CMIP: variants seen among roughly 807,000 people sequenced by gnomAD.
CMIP encodes C-Maf-inducing protein.
CMIP carries 13 observed loss-of-function variants against 97.3 expected under a neutral mutation model. The ratio of observed to expected loss-of-function variants is 0.13; its 90% confidence interval spans 0.09 to 0.21. The LOEUF (loss-of-function observed/expected upper bound fraction) is 0.21. Ranked by LOEUF, CMIP falls within the 10% of genes least tolerant of loss-of-function variation. CMIP has a pLI of 1.00. For synonymous variants in CMIP, 538 were observed against 436.3 expected (o/e 1.23, Z -2.91); for missense variants, 847 against 1,024.9 (o/e 0.83, Z 2.37).
chr16:81,575,762 G>T (rs1264685975), intron 1 of CMIP, among the ~76,000 whole-genome samples: 1 of 152,200 alleles, frequency 6.6e-6, no homozygotes, highest in East Asian at 1.9e-4. Context: ...TTCAGGTCCT[G>T]CCTCTGGTCC....
At position 81,537,424 on chromosome 16, in the gene CMIP, A is replaced by G. The variant is rs546032103; in HGVS notation, c.301-70143A>G. Among the ~76,000 whole-genome samples the G allele has an allele frequency of 2.6e-5, 4 of 151,934 alleles. No individual in the cohort carries two copies. In the East Asian group the frequency reaches 7.7e-4, roughly 29 times the overall value. Reference sequence around the variant, plus strand: ...GTGGCACGCACCTGTAGTTGCAGCCACTTGGGAGGCTGAGACAGGAGAATT... The same window carrying G: ...GTGGCACGCACCTGTAGTTGCAGCCGCTTGGGAGGCTGAGACAGGAGAATT... On this transcript the variant is annotated intron_variant, in intron 1 of 20. Coordinates refer to ENST00000537098, the MANE Select transcript of CMIP (RefSeq NM_198390.3).
intron 1 of CMIP, among the ~76,000 whole-genome samples, chr16:81,532,615 G>A (rs909513814): frequency 6.6e-6 from 1 of 152,202 alleles, no homozygotes; most frequent in Non-Finnish European, 1.5e-5. Flanking sequence ...CAGGTCCCGA[G>A]GCAGCGGGAG....
At position 81,453,756 on chromosome 16, in the gene CMIP, C is replaced by A. The variant is rs958965717; in HGVS notation, c.300+8215C>A. On this transcript the variant is annotated intron_variant, in intron 1 of 20. Coordinates refer to ENST00000537098, the MANE Select transcript of CMIP (RefSeq NM_198390.3). The surrounding 1 kb of genome is among the most constrained non-coding windows in gnomAD (Gnocchi z 4.0). ...AGGGGTCTCCCGAGGGTTCTGCCCC[C>A]TCTTTTTCTTGTGAAATGGGTCTGC... Among the ~76,000 whole-genome samples, 2 of 152,236 alleles carry A rather than the reference C, an allele frequency of 1.3e-5. No homozygotes were observed. The highest frequency in any genetic ancestry group is 2.4e-5 in the African/African-American group (1 of 41,468).
chr16:81,455,724 CTGGGCTCAGCCTGGTGAGCTCCTGG>C (rs1478489017), intron 1 of CMIP, among the ~76,000 whole-genome samples: 1 of 152,214 alleles, frequency 6.6e-6, no homozygotes, highest in Non-Finnish European at 1.5e-5. Flanking sequence ...CGTCAGGCTG[CTGGGCTCAGCCTGGTGAGCTCCTGG>C]TGGGCTTTCC....
At chr16:81,446,797 T>C (rs935103212) in intron 1 of CMIP, among the ~76,000 whole-genome samples, 4 of 152,016 alleles carry the variant, frequency 2.6e-5, no homozygotes, top group Non-Finnish European at 5.9e-5. Context: ...CCCCAAGGAA[T>C]GGGGAGGGGG....
At chr16:81,660,501 C>T (rs570274748) in intron 5 of CMIP, among the ~76,000 whole-genome samples, 1 of 152,280 alleles carries the variant, frequency 6.6e-6, no homozygotes, top group East Asian at 1.9e-4. Context: ...TCTCCAACTC[C>T]TGACCTCAAG....
intron 2 of CMIP, among the ~76,000 whole-genome samples, chr16:81,618,243 G>T (rs577490319): frequency 6.6e-6 from 1 of 152,290 alleles, no homozygotes; most frequent in African/African-American, 2.4e-5. Context: ...CCTTCTGGAG[G>T]CTCTCGGGGA....
chr16:81,688,421 G>C (rs1158340390), intron 10 of CMIP, among the ~76,000 whole-genome samples: 1 of 152,214 alleles, frequency 6.6e-6, no homozygotes, highest in Non-Finnish European at 1.5e-5. Context: ...CCAAGGCTCT[G>C]CTGTCACAGA....
chr16:81,450,757 A>G (rs1906156756), intron 1 of CMIP, among the ~76,000 whole-genome samples: 1 of 152,226 alleles, frequency 6.6e-6, no homozygotes, highest in Non-Finnish European at 1.5e-5. Flanking sequence ...CTAGTTTCTT[A>G]AAATAAATTA....
intron 3 of CMIP, among the ~76,000 whole-genome samples, chr16:81,637,009 C>A (rs1314477403): frequency 6.6e-6 from 1 of 152,194 alleles, no homozygotes; most frequent in Non-Finnish European, 1.5e-5. Flanking sequence ...TTTGCTGTTG[C>A]ACTGTGGGGG....
At chr16:81,489,056 T>G (rs1005495512) in intron 1 of CMIP, among the ~76,000 whole-genome samples, 5 of 152,212 alleles carry the variant, frequency 3.3e-5, no homozygotes, top group African/African-American at 1.2e-4. Flanking sequence ...TTCATTCATT[T>G]TTCAGTTTGA....
rs140110022 is a variant in CMIP, at chr16:81,627,153, ATG to A, written c.477+6240_477+6241del. Among the ~76,000 whole-genome samples the A allele has an allele frequency of 1.5e-5, 2 of 131,874 alleles. No homozygotes were observed. The highest frequency in any genetic ancestry group is 2.9e-5 in the African/African-American group (1 of 34,452). 86.5% of individuals were successfully genotyped at this position (131,874 alleles called of 152,430 possible). On this transcript the variant is annotated intron_variant, in intron 3 of 20. Coordinates refer to ENST00000537098, the MANE Select transcript of CMIP (RefSeq NM_198390.3). This position sits in a 1 kb window ranked among gnomAD's most constrained non-coding sequence, Gnocchi z 4.6. ...GGCATATGGGCCAACTATTTTATGA[ATG>A]TGTGTGTGTGTGGCCTGTAGGGTGA...
intron 1 of CMIP, among the ~76,000 whole-genome samples, chr16:81,457,223 C>T (rs1477473098): frequency 6.6e-6 from 1 of 152,068 alleles, no homozygotes; most frequent in Non-Finnish European, 1.5e-5. Flanking sequence ...CCAGTTGGAG[C>T]CAGGGCTTGC....
chr16:81,672,741 A>G (rs1429749793), intron 9 of CMIP, among the ~76,000 whole-genome samples: 2 of 152,044 alleles, frequency 1.3e-5, no homozygotes, highest in African/African-American at 4.8e-5. Flanking sequence ...ACTCATGGCT[A>G]ATATTTAAAA....
chr16:81,495,382 AC>A (rs1597474905), intron 1 of CMIP: 4 of 1,537,692 alleles, frequency 2.6e-6, no homozygotes, highest in Non-Finnish European at 2.6e-6. Context: ...GCATGGCATA[AC>A]CGTTTGAGAA....
At chr16:81,664,627 A>C in intron 7 of CMIP, 1 of 579,858 alleles carries the variant, frequency 1.7e-6, no homozygotes, top group Non-Finnish European at 3.1e-6. Flanking sequence ...AATAGGCCCA[A>C]ATAATGTCTG....
chr16:81,575,545 A>G (rs982573690), intron 1 of CMIP, among the ~76,000 whole-genome samples: 11 of 152,196 alleles, frequency 7.2e-5, no homozygotes, highest in Non-Finnish European at 8.8e-5. Flanking sequence ...TTCATCCATT[A>G]GTGCAGAGTA....
chr16:81,594,777 CTAATTTTTTTTTTTTT>C (rs2091524556), intron 1 of CMIP, among the ~76,000 whole-genome samples: 1 of 143,112 alleles, frequency 7.0e-6, no homozygotes, highest in Admixed American at 7.0e-5. Context: ...CCACGCCCAG[CTAATTTTTTTTTTTTT>C]TTTTTTTTTT....
chr16:81,563,081 A>G (rs1007289212), intron 1 of CMIP, among the ~76,000 whole-genome samples: 1 of 152,086 alleles, frequency 6.6e-6, no homozygotes, highest in Non-Finnish European at 1.5e-5. Flanking sequence ...CAGAGGAAAA[A>G]CCATCTTGTT....
Sources: gnomAD v4.1 joint callset for allele counts (sites outside exome capture counted in the v4.1 genomes callset) on GRCh38, gnomAD v4.1.1 for gene constraint, Gnocchi (gnomAD v3.1) non-coding constraint, MANE v1.5 for transcripts, NCBI Gene and HGNC (gene_info 2026-07-23, HGNC 2026-07-21) for gene names.